The following RIT2 variants were observed in gnomAD, a reference collection of about 807,000 sequenced individuals.
RIT2 encodes Ras like without CAAX 2.
Under a neutral mutation model 23.7 loss-of-function variants are expected in RIT2, and 24 were observed. The observed-to-expected ratio is 1.01, with a 90% CI of 0.73 to 1.43. The LOEUF is 1.43. Among genes scored for constraint, RIT2 ranks in the 40% most tolerant of loss-of-function variants. The pLI, the probability that RIT2 is intolerant of heterozygous loss-of-function variation, is 0.00. For missense variants in RIT2, 236 were observed against 266.9 expected (o/e 0.88, Z 0.81); for synonymous variants, 107 against 91.1 (o/e 1.17, Z -0.99).
chr18:42,967,857 TTTTTAAG>T (rs1199743830), intron 3 of RIT2, among the ~76,000 whole-genome samples: 4 of 151,940 alleles, frequency 2.6e-5, no homozygotes. Flanking sequence ...TATAAAATAA[TTTTTAAG>T]TTTTATCTTA....
At chr18:42,958,469 T>G (rs1250500081) in intron 3 of RIT2, among the ~76,000 whole-genome samples, 1 of 152,100 alleles carries the variant, frequency 6.6e-6, no homozygotes, top group Non-Finnish European at 1.5e-5. Context: ...ACAAATTAGC[T>G]AATATGATAA....
intron 3 of RIT2, among the ~76,000 whole-genome samples, chr18:42,971,605 G>C (rs759194250): frequency 1.3e-5 from 2 of 152,010 alleles, no homozygotes; most frequent in Non-Finnish European, 2.9e-5. Flanking sequence ...CTCAAACTTA[G>C]TGTCTTAAAG....
intron 3 of RIT2, among the ~76,000 whole-genome samples, chr18:42,940,854 T>G (rs1909584359): frequency 6.6e-6 from 1 of 152,170 alleles, no homozygotes. Flanking sequence ...CAAAATAGCA[T>G]GCTGGTAAGT....
chr18:42,791,618 A>C (rs1480367442), intron 4 of RIT2, among the ~76,000 whole-genome samples: 1 of 152,234 alleles, frequency 6.6e-6, no homozygotes, highest in Non-Finnish European at 1.5e-5. Context: ...GTTAAATCTT[A>C]ATTTTAAAAA....
At chr18:42,758,339 G>T (rs1913213718) in intron 4 of RIT2, among the ~76,000 whole-genome samples, 1 of 151,984 alleles carries the variant, frequency 6.6e-6, no homozygotes, top group African/African-American at 2.4e-5. Flanking sequence ...TTCTAACATG[G>T]TTTTGCAAAA....
rs1049938995 is a variant in RIT2 at position 43,038,899 on chromosome 18, AT to A, written c.104-5033del. Among the ~76,000 whole-genome samples the A allele has an allele frequency of 1.1e-3, 167 of 147,362 alleles. 1 individual carries two copies. Among genetic ancestry groups the A allele is most frequent in the Non-Finnish European group, 1.5e-3 (102 of 66,460 alleles). ...TTCTCTCAGGTTAGTAAACTGCAGGATTTTTTTTTTTATTTCAAATTAGGTA... is the reference window on the plus strand; with the variant it reads ...TTCTCTCAGGTTAGTAAACTGCAGGATTTTTTTTTTATTTCAAATTAGGTA... On this transcript the variant is annotated intron_variant, in intron 1 of 4. Coordinates refer to ENST00000326695, the MANE Select transcript of RIT2 (RefSeq NM_002930.4).
At chr18:43,057,124 A>C (rs1281877624) in intron 1 of RIT2, among the ~76,000 whole-genome samples, 1 of 151,872 alleles carries the variant, frequency 6.6e-6, no homozygotes, top group African/African-American at 2.4e-5. Flanking sequence ...ATATTGAGTT[A>C]TATATTTCTT....
intron 4 of RIT2, among the ~76,000 whole-genome samples, chr18:42,772,111 G>A (rs1913565466): frequency 1.3e-5 from 2 of 152,092 alleles, no homozygotes; most frequent in South Asian, 4.1e-4. Flanking sequence ...GGGATCTCCA[G>A]AAGTTAAGTG....
At chr18:42,936,252 A>C (rs1360554316) in intron 3 of RIT2, among the ~76,000 whole-genome samples, 4 of 152,148 alleles carry the variant, frequency 2.6e-5, no homozygotes, top group Non-Finnish European at 4.4e-5. Context: ...ATAACCAAAT[A>C]AATAAATAAA....
chr18:43,006,728 T>C (rs887769281), intron 2 of RIT2, among the ~76,000 whole-genome samples: 4 of 151,516 alleles, frequency 2.6e-5, no homozygotes, highest in African/African-American at 9.7e-5. Context: ...AGTTCCAAAA[T>C]ATTAATAATA....
intron 1 of RIT2, among the ~76,000 whole-genome samples, chr18:43,035,775 C>A (rs1338679863): frequency 6.6e-6 from 1 of 152,174 alleles, no homozygotes; most frequent in Non-Finnish European, 1.5e-5. Context: ...TGACCCCAAT[C>A]CTGCTTCTCG....
At chr18:42,933,298 A>T (rs1483785189) in intron 3 of RIT2, among the ~76,000 whole-genome samples, 2 of 152,196 alleles carry the variant, frequency 1.3e-5, no homozygotes, top group Non-Finnish European at 2.9e-5. Flanking sequence ...AAAATGTTTT[A>T]AAATTTATAT....
rs1404336385 is a variant in RIT2, at chr18:43,033,835, G to T, written c.136C>A (p.Pro46Thr). ...MTMQFISHQF[P>T]DYHDPTIEDA... ...CCTATAGTAGGGTCATGATAATCAGGGAACTGATGACTAATAAACTGCATT... is the reference window on the plus strand; with the variant it reads ...CCTATAGTAGGGTCATGATAATCAGTGAACTGATGACTAATAAACTGCATT... Residue 46 changes from proline (P) to threonine (T), a missense_variant, in exon 2 of 5, where the codon CCT becomes ACT. Physicochemically the swap from Pro to Thr is conservative, Grantham distance 38 (BLOSUM62 -1). Transcript: ENST00000326695. 2.5e-6 allele frequency: 4 copies of T among 1,609,454 alleles called. No individual in the cohort carries two copies. The highest frequency in any genetic ancestry group is 3.4e-6 in the Non-Finnish European group (4 of 1,176,692).
intron 3 of RIT2, among the ~76,000 whole-genome samples, chr18:42,973,245 T>G (rs1214569696): frequency 6.6e-6 from 1 of 151,686 alleles, no homozygotes; most frequent in Non-Finnish European, 1.5e-5. Flanking sequence ...GATTTATTTA[T>G]TTTGATATCT....
At chr18:42,854,090 A>G (rs945259232) in intron 4 of RIT2, among the ~76,000 whole-genome samples, 8 of 152,202 alleles carry the variant, frequency 5.3e-5, no homozygotes, top group African/African-American at 1.9e-4. Flanking sequence ...TTCTTTAAAC[A>G]TTAGCTCTAA....
At chr18:42,992,147 C>T (rs976964698) in intron 2 of RIT2, among the ~76,000 whole-genome samples, 2 of 11,064 alleles carry the variant, frequency 1.8e-4, no homozygotes, top group African/African-American at 1.9e-4. Context: ...TTCCACCCTC[C>T]ATTCCTCCAC....
intron 3 of RIT2, among the ~76,000 whole-genome samples, chr18:42,933,934 C>T (rs574726524): frequency 8.5e-4 from 128 of 150,758 alleles, no homozygotes; most frequent in Admixed American, 4.8e-3. Flanking sequence ...AGGAGAATCG[C>T]TTGAACCCAG....
At chr18:43,005,502 G>A (rs760099268) in intron 2 of RIT2, among the ~76,000 whole-genome samples, 4 of 151,758 alleles carry the variant, frequency 2.6e-5, no homozygotes, top group South Asian at 4.1e-4. Context: ...TTTCCATTAG[G>A]AGAACTCACT....
chr18:43,089,100 G>A (rs1448402473), intron 1 of RIT2, among the ~76,000 whole-genome samples: 1 of 151,958 alleles, frequency 6.6e-6, no homozygotes, highest in African/African-American at 2.4e-5. Context: ...TGGAAATCCT[G>A]GCCAGGGCAA....
Sources: allele counts gnomAD v4.1 joint callset (sites outside exome capture counted in the v4.1 genomes callset), GRCh38; gene constraint gnomAD v4.1.1; transcripts MANE v1.5; gene names NCBI Gene and HGNC (gene_info 2026-07-23, HGNC 2026-07-21).